NR1H4: variants seen among roughly 807,000 people sequenced by gnomAD.
NR1H4 encodes bile acid receptor.
In NR1H4, 23 loss-of-function variants were observed where a neutral mutation model predicts 58.5. That is an observed-to-expected ratio of 0.39 (90% CI 0.28 to 0.56). The LOEUF (loss-of-function observed/expected upper bound fraction) is 0.56. Ranked by LOEUF, NR1H4 falls within the 20% of genes least tolerant of loss-of-function variation. NR1H4 has a pLI of 0.58. For synonymous variants in NR1H4, 214 were observed against 198.0 expected (o/e 1.08, Z -0.68); for missense variants, 487 against 576.9 (o/e 0.84, Z 1.60).
intron 9 of NR1H4, among the ~76,000 whole-genome samples, chr12:100,541,604 T>TC (rs1954937568): frequency 6.9e-6 from 1 of 144,674 alleles, no homozygotes; most frequent in Non-Finnish European, 1.5e-5. Flanking sequence ...TTTTTTCTTT[T>TC]CTTTTTTTTT....
At chr12:100,554,392 AACACACACACAC>A (rs60582622) in intron 9 of NR1H4, among the ~76,000 whole-genome samples, 28 of 148,088 alleles carry the variant, frequency 1.9e-4, no homozygotes, top group African/African-American at 6.7e-4. Flanking sequence ...ACTTGTAAAT[AACACACACACAC>A]ACACACACAC....
intron 9 of NR1H4, among the ~76,000 whole-genome samples, chr12:100,560,438 C>T (rs1955442740): frequency 6.6e-6 from 1 of 152,170 alleles, no homozygotes; most frequent in South Asian, 2.1e-4. Flanking sequence ...CTCCTGAACC[C>T]AGCGAGACCA....
chr12:100,546,769 C>T (rs1014054473), intron 9 of NR1H4, among the ~76,000 whole-genome samples: 15 of 152,116 alleles, frequency 9.9e-5, no homozygotes, highest in African/African-American at 3.1e-4. Context: ...ACCCTCCAGC[C>T]ATTGACTCTA....
intron 6 of NR1H4, 113 bp downstream of exon 6, chr12:100,535,136 G>A (rs992864338): frequency 2.5e-5 from 29 of 1,178,480 alleles, no homozygotes; most frequent in Non-Finnish European, 3.3e-5. Flanking sequence ...TGAATTTCTA[G>A]TCCAATTGTT....
At chr12:100,508,282 A>G (rs891826390) in intron 3 of NR1H4, among the ~76,000 whole-genome samples, 3 of 152,092 alleles carry the variant, frequency 2.0e-5, no homozygotes, top group African/African-American at 7.2e-5. Flanking sequence ...GGAAGCGGCA[A>G]GGCACATTCA....
At chr12:100,519,741 C>G (rs947694205) in intron 4 of NR1H4, among the ~76,000 whole-genome samples, 4 of 152,134 alleles carry the variant, frequency 2.6e-5, no homozygotes, top group South Asian at 4.1e-4. Context: ...TATAATCTCT[C>G]AATCCACCTA....
chr12:100,530,781 T>C (rs895163041), intron 4 of NR1H4, among the ~76,000 whole-genome samples: 2 of 152,158 alleles, frequency 1.3e-5, no homozygotes, highest in African/African-American at 4.8e-5. Context: ...TGGTGTCCCC[T>C]CATGCCCCCA....
chr12:100,558,295 G>A (rs1009870555), intron 9 of NR1H4, among the ~76,000 whole-genome samples: 1 of 136,322 alleles, frequency 7.3e-6, no homozygotes, highest in Non-Finnish European at 1.5e-5. Context: ...GTTGCAGTGA[G>A]CCAAGATCAC....
Position 100,495,743 on chromosome 12 carries a change from A to AC in NR1H4, c.79+2341_79+2342insC, listed in dbSNP as rs552226452. Among the ~76,000 whole-genome samples, 127 of 152,076 alleles carry AC rather than the reference A, an allele frequency of 8.4e-4. 1 individual carries two copies. The highest frequency in any genetic ancestry group is 2.8e-3 in the African/African-American group (118 of 41,430). On this transcript the variant is annotated intron_variant, in intron 3 of 10. Transcript: ENST00000392986. ...GCTCCAACTCAAGAAAAACAAACAA[A>AC]AAAAAAACATACCTGAGCTAAAGGT...
chr12:100,490,339 A>G (rs1401579331), intron 1 of NR1H4, among the ~76,000 whole-genome samples: 1 of 152,204 alleles, frequency 6.6e-6, no homozygotes, highest in Non-Finnish European at 1.5e-5. Flanking sequence ...AACATGGCTC[A>G]AGGTTAAAAA....
chr12:100,499,909 T>C (rs1953796176), intron 3 of NR1H4: 1 of 455,900 alleles, frequency 2.2e-6, no homozygotes, highest in Non-Finnish European at 4.4e-6. Context: ...TTGGACAAAT[T>C]CCTTAACTTT....
intron 1 of NR1H4, among the ~76,000 whole-genome samples, chr12:100,485,019 CAACAA>C (rs1953461246): frequency 6.6e-6 from 1 of 152,106 alleles, no homozygotes; most frequent in Non-Finnish European, 1.5e-5. Context: ...TTTCAACATG[CAACAA>C]AATAGAGTAA....
At chr12:100,517,655 A>T (rs746881882) in intron 4 of NR1H4, among the ~76,000 whole-genome samples, 11 of 152,326 alleles carry the variant, frequency 7.2e-5, no homozygotes, top group Non-Finnish European at 1.6e-4. Flanking sequence ...ACCAGCAGTA[A>T]GGGTTGACTT....
intron 3 of NR1H4, among the ~76,000 whole-genome samples, chr12:100,502,164 A>G (rs1953850632): frequency 6.6e-6 from 1 of 152,244 alleles, no homozygotes; most frequent in Admixed American, 6.5e-5. Context: ...TATAGTTATC[A>G]ACCCCATTTT....
chr12:100,563,524 C>G lies in NR1H4; in HGVS notation c.*35C>G. 6.8e-7 allele frequency: 1 copy of G among 1,473,618 alleles called. No individual in the cohort carries two copies. Among genetic ancestry groups the G allele is most frequent in the Non-Finnish European group, 9.5e-7 (1 of 1,051,868 alleles). The allele number at this position is 1,473,618 out of a possible 1,614,324, so 91.3% of individuals were successfully genotyped here. On this transcript the variant is annotated 3_prime_UTR_variant, in exon 11 of 11. Coordinates refer to ENST00000392986, the MANE Select transcript of NR1H4 (RefSeq NM_001206979.2). ...CAGGGGAGGGGTCTAGCTCCTTTTTCTCTCTCATATTAATCTGATGTATAA... is the reference window on the plus strand; with the variant it reads ...CAGGGGAGGGGTCTAGCTCCTTTTTGTCTCTCATATTAATCTGATGTATAA...
chr12:100,497,177 T>C (rs1004541402), intron 3 of NR1H4, among the ~76,000 whole-genome samples: 1 of 152,038 alleles, frequency 6.6e-6, no homozygotes, highest in African/African-American at 2.4e-5. Flanking sequence ...CTGGAGCATA[T>C]ATTAATATTA....
intron 9 of NR1H4, among the ~76,000 whole-genome samples, chr12:100,557,875 T>G (rs551180474): frequency 6.6e-6 from 1 of 152,294 alleles, no homozygotes; most frequent in African/African-American, 2.4e-5. Flanking sequence ...AGCAGTCTAT[T>G]CTCATCTGGA....
chr12:100,499,879 C>A (rs754633065), intron 3 of NR1H4: 2 of 455,860 alleles, frequency 4.4e-6, no homozygotes, highest in African/African-American at 2.0e-5. Flanking sequence ...CCAATCTCTG[C>A]CATCTACTAC....
intron 1 of NR1H4, among the ~76,000 whole-genome samples, chr12:100,475,165 T>TG (rs1427933078): frequency 9.8e-6 from 1 of 101,876 alleles, no homozygotes; most frequent in East Asian, 2.8e-4. Flanking sequence ...ATCTAAATTT[T>TG]TTTTTCTGTT....
Sources: allele counts gnomAD v4.1 joint callset (sites outside exome capture counted in the v4.1 genomes callset), GRCh38; gene constraint gnomAD v4.1.1; transcripts MANE v1.5; gene names NCBI Gene and HGNC (gene_info 2026-07-23, HGNC 2026-07-21).